Variants in OSBPL3 observed in about 807,000 individuals in gnomAD.
OSBPL3 encodes the protein oxysterol binding protein like 3.
A neutral mutation model predicts 120.1 loss-of-function variants in OSBPL3; 65 were observed. The ratio of observed to expected loss-of-function variants is 0.54; its 90% confidence interval spans 0.44 to 0.67. The LOEUF (loss-of-function observed/expected upper bound fraction) is 0.67. Ranked by LOEUF, OSBPL3 falls within the 30% of genes least tolerant of loss-of-function variation. The pLI is 0.00. For synonymous variants in OSBPL3, 416 were observed against 402.6 expected (o/e 1.03, Z -0.40); for missense variants, 1,004 against 1,082.1 (o/e 0.93, Z 1.01).
rs1401685423 is a variant in OSBPL3, at chr7:24,819,161, G to A, written c.1948+1014C>T. 6.6e-6 allele frequency among the ~76,000 whole-genome samples: 1 copy of A among 151,062 alleles called. No homozygotes were observed. The highest frequency in any genetic ancestry group is 1.5e-5 in the Non-Finnish European group (1 of 67,936). On this transcript the variant is annotated intron_variant, in intron 17 of 22. Transcript: ENST00000313367. This position sits in a 1 kb window ranked among gnomAD's most constrained non-coding sequence, Gnocchi z 4.1. ...CCAGCTACTCGGGAGGCTGAGACAGGAGAATCACTTGAACACGGGAGACGG... is the reference window on the plus strand; with the variant it reads ...CCAGCTACTCGGGAGGCTGAGACAGAAGAATCACTTGAACACGGGAGACGG...
chr7:24,832,771 G>A (rs1336161792), intron 15 of OSBPL3, among the ~76,000 whole-genome samples: 1 of 152,200 alleles, frequency 6.6e-6, no homozygotes, highest in Non-Finnish European at 1.5e-5. Flanking sequence ...GAGCGAAGGG[G>A]AGGCAGAAGG....
intron 14 of OSBPL3, among the ~76,000 whole-genome samples, chr7:24,838,057 C>T (rs1352082838): frequency 3.3e-5 from 5 of 152,162 alleles, no homozygotes; most frequent in African/African-American, 9.7e-5. Context: ...TTTCTGTATC[C>T]AATCTTTTCA....
chr7:24,917,446 T>TATATATATATATTTGTA (rs1366145573), intron 1 of OSBPL3, among the ~76,000 whole-genome samples: 1 of 122,230 alleles, frequency 8.2e-6, no homozygotes, highest in African/African-American at 3.1e-5. Context: ...TATATATATA[T>TATATATATATATTTGTA]ACACACACAT....
At position 24,873,754 on chromosome 7, in the gene OSBPL3, T is replaced by G. The variant is rs971833259; in HGVS notation, c.97-1685A>C. Among the ~76,000 whole-genome samples the G allele has an allele frequency of 6.6e-6, 1 of 151,842 alleles. No individual in the cohort carries two copies. The highest frequency in any genetic ancestry group is 6.6e-5 in the Admixed American group (1 of 15,240). ...ACTTAAAAACACCAAAAAAAAAAACTTACTTGAATTTATTTTAGCTCAGAA... is the reference window on the plus strand; with the variant it reads ...ACTTAAAAACACCAAAAAAAAAAACGTACTTGAATTTATTTTAGCTCAGAA... On this transcript the variant is annotated intron_variant, in intron 2 of 22. Coordinates refer to ENST00000313367, the MANE Select transcript of OSBPL3 (RefSeq NM_015550.4). This position sits in a 1 kb window ranked among gnomAD's most constrained non-coding sequence, Gnocchi z 4.1.
chr7:24,861,839 G>T (rs1800584720), intron 9 of OSBPL3, 70 bp from the exon 10 acceptor site: 8 of 956,692 alleles, frequency 8.4e-6, no homozygotes, highest in Non-Finnish European at 9.2e-6. Flanking sequence ...TTGATTCTAA[G>T]ATTGAAACAT....
Position 24,953,019 on chromosome 7 carries a change from C to T in OSBPL3, c.-150+26867G>A, listed in dbSNP as rs1235884864. 6.6e-6 allele frequency among the ~76,000 whole-genome samples: 1 copy of T among 152,092 alleles called. No individual in the cohort carries two copies. Among genetic ancestry groups the T allele is most frequent in the Non-Finnish European group, 1.5e-5 (1 of 68,020 alleles). ...AGGCATGGTGGTGCATGCTTGTAGT[C>T]CCACCTACTTGAGAGACTAGGATAG... On this transcript the variant is annotated intron_variant, in intron 1 of 22. Coordinates refer to ENST00000313367, the MANE Select transcript of OSBPL3 (RefSeq NM_015550.4). This position sits in a 1 kb window ranked among gnomAD's most constrained non-coding sequence, Gnocchi z 4.3.
Position 24,947,785 on chromosome 7 carries a change from C to T in OSBPL3, c.-150+32101G>A, listed in dbSNP as rs1237669680. 6.7e-6 allele frequency among the ~76,000 whole-genome samples: 1 copy of T among 149,952 alleles called. No individual in the cohort carries two copies. Among genetic ancestry groups the T allele is most frequent in the Non-Finnish European group, 1.5e-5 (1 of 67,364 alleles). ...CATACATATCCAATTAAATCACACA[C>T]ACACACACACACACACACACACACT... On this transcript the variant is annotated intron_variant, in intron 1 of 22. Transcript: ENST00000313367. The surrounding 1 kb of genome is among the most constrained non-coding windows in gnomAD (Gnocchi z 4.4).
rs1811903195 is a variant in OSBPL3 at position 24,932,468 on chromosome 7, A to C, written c.-149-39847T>G. ...GTTGATGTCCCCCTGAAATTCATAC[A>C]TTAAAACCTAGTCACCAATTTGATG... On this transcript the variant is annotated intron_variant, in intron 1 of 22. Coordinates refer to ENST00000313367, the MANE Select transcript of OSBPL3 (RefSeq NM_015550.4). The surrounding 1 kb of genome is among the most constrained non-coding windows in gnomAD (Gnocchi z 5.6). 6.6e-6 allele frequency among the ~76,000 whole-genome samples: 1 copy of C among 152,150 alleles called. No homozygotes were observed. The highest frequency in any genetic ancestry group is 6.5e-5 in the Admixed American group (1 of 15,282).
In OSBPL3 at chr7:24,898,926, T is replaced by C. The variant is rs1806574163; in HGVS notation, c.-149-6305A>G. 6.6e-6 allele frequency among the ~76,000 whole-genome samples: 1 copy of C among 152,202 alleles called. No individual in the cohort carries two copies. Among genetic ancestry groups the C allele is most frequent in the Non-Finnish European group, 1.5e-5 (1 of 68,044 alleles). On this transcript the variant is annotated intron_variant, in intron 1 of 22. Transcript: ENST00000313367. This position sits in a 1 kb window ranked among gnomAD's most constrained non-coding sequence, Gnocchi z 4.3. The stretch of plus-strand genomic sequence containing the variant: ...AAAATCTATTCTAGACAGTTTGTCA[T>C]CATTTAGAGCTGAAATAATGACTCA...
rs773069379 is a variant in OSBPL3 at position 24,892,534 on chromosome 7, A to T, written c.-62T>A. 145 of 1,575,862 alleles carry T rather than the reference A, an allele frequency of 9.2e-5. 1 individual carries two copies. Among genetic ancestry groups the T allele is most frequent in the Non-Finnish European group, 1.2e-4 (142 of 1,152,480 alleles). The stretch of plus-strand genomic sequence containing the variant: ...GCCATCAGATGACAAGGGAGCCGAG[A>T]GTATGGAAGTCCCCAGTGGCAGGTG... On this transcript the variant is annotated 5_prime_UTR_variant, in exon 2 of 23. Coordinates refer to ENST00000313367, the MANE Select transcript of OSBPL3 (RefSeq NM_015550.4).
At chr7:24,908,118 T>A (rs539835006) in intron 1 of OSBPL3, among the ~76,000 whole-genome samples, 9 of 152,328 alleles carry the variant, frequency 5.9e-5, no homozygotes, top group African/African-American at 1.9e-4. Flanking sequence ...CTGACTTGTT[T>A]CAAATATTTC....
At chr7:24,920,221 G>C in intron 1 of OSBPL3, among the ~76,000 whole-genome samples, 1 of 152,032 alleles carries the variant, frequency 6.6e-6, no homozygotes, top group Admixed American at 6.5e-5. Context: ...ATTTATAATA[G>C]TCAAAAAGTA....
In OSBPL3 at chr7:24,872,475, G is replaced by GTGTGTA. The variant is rs932818006; in HGVS notation, c.97-407_97-406insTACACA. 1.3e-5 allele frequency among the ~76,000 whole-genome samples: 2 copies of GTGTGTA among 151,688 alleles called. No individual in the cohort carries two copies. Among genetic ancestry groups the GTGTGTA allele is most frequent in the African/African-American group, 2.4e-5 (1 of 41,266 alleles). On this transcript the variant is annotated intron_variant, in intron 2 of 22. Transcript: ENST00000313367. The surrounding 1 kb of genome is among the most constrained non-coding windows in gnomAD (Gnocchi z 4.1). ...TGTGTGTGTGTGTGTGTGTGTGTGTGTGTGTGTGTGTGGTGTTGGGGGAAG... is the reference window on the plus strand; with the variant it reads ...TGTGTGTGTGTGTGTGTGTGTGTGTGTGTGTATGTGTGTGTGTGGTGTTGGGGGAAG...
rs1806621068 is a variant in OSBPL3 at position 24,899,191 on chromosome 7, C to T, written c.-149-6570G>A. Among the ~76,000 whole-genome samples, 1 of 152,164 alleles carries T rather than the reference C, an allele frequency of 6.6e-6. No individual in the cohort carries two copies. Among genetic ancestry groups the T allele is most frequent in the Non-Finnish European group, 1.5e-5 (1 of 68,030 alleles). ...TTTGATCACCCTTCAATTTGTGCTT[C>T]TCTAACAGTGATGCCCAGATTTAAA... On this transcript the variant is annotated intron_variant, in intron 1 of 22. Coordinates refer to ENST00000313367, the MANE Select transcript of OSBPL3 (RefSeq NM_015550.4). This position sits in a 1 kb window ranked among gnomAD's most constrained non-coding sequence, Gnocchi z 4.0.
rs117242114 is a variant in OSBPL3 at position 24,858,415 on chromosome 7, T to C, written c.1027+3198A>G. On this transcript the variant is annotated intron_variant, in intron 10 of 22. Transcript: ENST00000313367. ...TTGAATGTATGGAAGTGAGAAGGCA[T>C]GCAAGGTCACAGGACTTAGTACAAA... 1.4e-3 allele frequency among the ~76,000 whole-genome samples: 208 copies of C among 152,328 alleles called. No individual in the cohort carries two copies. In the East Asian group the frequency reaches 0.037, roughly 27 times the overall value.
In OSBPL3 at chr7:24,883,264, G is replaced by A. The variant is rs542780516; in HGVS notation, c.96+9113C>T. On this transcript the variant is annotated intron_variant, in intron 2 of 22. Transcript: ENST00000313367. The surrounding 1 kb of genome is among the most constrained non-coding windows in gnomAD (Gnocchi z 5.4). ...CTGAACTTGACGGTAGGGCCAGGGT[G>A]TAGGTTTTAGAGGGATATCAGATGA... Among the ~76,000 whole-genome samples the A allele has an allele frequency of 6.2e-4, 94 of 152,244 alleles. No individual in the cohort carries two copies. Among genetic ancestry groups the A allele is most frequent in the African/African-American group, 2.2e-3 (92 of 41,538 alleles).
Position 24,804,261 on chromosome 7 carries a change from AT to A in OSBPL3, c.2567+53del. The A allele has an allele frequency of 6.2e-7, 1 of 1,609,868 alleles. No individual in the cohort carries two copies. The highest frequency in any genetic ancestry group is 8.5e-7 in the Non-Finnish European group (1 of 1,176,530). ...TGTTCACTTTCTGCAAACCAGAAGCATAACGTGCTGGCACCACCTATCAACC... is the reference window on the plus strand; with the variant it reads ...TGTTCACTTTCTGCAAACCAGAAGCAAACGTGCTGGCACCACCTATCAACC... On this transcript the variant is annotated intron_variant, in intron 22 of 22. Transcript: ENST00000313367. The surrounding 1 kb of genome is among the most constrained non-coding windows in gnomAD (Gnocchi z 5.4).
Position 24,854,851 on chromosome 7 carries a change from A to C in OSBPL3, c.1028-2217T>G, listed in dbSNP as rs1243256706. The stretch of plus-strand genomic sequence containing the variant: ...ATGGTTGTCATGAGGATTGAATGAG[A>C]GAGGGAATGCAGGTAAAGCACATAA... On this transcript the variant is annotated intron_variant, in intron 10 of 22. Transcript: ENST00000313367. This position sits in a 1 kb window ranked among gnomAD's most constrained non-coding sequence, Gnocchi z 4.1. 1.1e-4 allele frequency among the ~76,000 whole-genome samples: 17 copies of C among 152,236 alleles called. No homozygotes were observed. The highest frequency in any genetic ancestry group is 1.1e-3 in the Admixed American group (17 of 15,288).
intron 2 of OSBPL3, among the ~76,000 whole-genome samples, chr7:24,878,125 C>T (rs1340949574): frequency 6.6e-6 from 1 of 152,224 alleles, no homozygotes; most frequent in Non-Finnish European, 1.5e-5. Context: ...TTTATTCATG[C>T]TCATGCGCTG....
Sources: gnomAD v4.1 joint callset for allele counts (sites outside exome capture counted in the v4.1 genomes callset) on GRCh38, gnomAD v4.1.1 for gene constraint, Gnocchi (gnomAD v3.1) non-coding constraint, MANE v1.5 for transcripts, NCBI Gene and HGNC (gene_info 2026-07-23, HGNC 2026-07-21) for gene names.